XKR7: variants seen among roughly 807,000 people sequenced by gnomAD.
XKR7 encodes the protein XK related 7, also known as XK-related protein 7.
In XKR7, 11 loss-of-function variants were observed where a neutral mutation model predicts 42.2. That is an observed-to-expected ratio of 0.26 (90% CI 0.16 to 0.43). XKR7 has a LOEUF of 0.43. Among genes scored for constraint, XKR7 ranks in the 20% least tolerant of loss-of-function variants. XKR7 has a pLI of 1.00. For missense variants in XKR7, 710 were observed against 802.2 expected (o/e 0.89, Z 1.39); for synonymous variants, 346 against 366.4 (o/e 0.94, Z 0.64).
intron 1 of XKR7, chr20:31,970,457 C>T (rs1430862362): frequency 6.6e-6 from 1 of 152,198 alleles, no homozygotes; most frequent in Non-Finnish European, 1.5e-5. Flanking sequence ...TGCTAAGGAT[C>T]CCCTCAGCTC....
chr20:31,968,340 G>T lies in XKR7; in HGVS notation c.165G>T (p.Arg55=), dbSNP rs1333828816. Residue 55 remains arginine (R), a synonymous_variant, in exon 1 of 3, where the codon CGG becomes CGT. Coordinates refer to ENST00000562532, the MANE Select transcript of XKR7 (RefSeq NM_001011718.2). This position sits in a 1 kb window ranked among gnomAD's most constrained non-coding sequence, Gnocchi z 4.5. The stretch of plus-strand genomic sequence containing the variant: ...GCCCGGGGCCGCGCTACGAGCTGCG[G>T]GACTGCTGCTGGGTGCTGTGCGCGC... ...AGGPGPRYEL[R]DCCWVLCALL... is the part of the protein sequence containing the mutation. The T allele has an allele frequency of 2.5e-6, 4 of 1,581,980 alleles. No individual in the cohort carries two copies. In the Admixed American group the frequency reaches 5.3e-5, roughly 21 times the overall value.
chr20:31,990,557 G>A (rs2064565779), intron 1 of XKR7, among the ~76,000 whole-genome samples: 1 of 152,162 alleles, frequency 6.6e-6, no homozygotes, highest in Admixed American at 6.5e-5. Context: ...AGGGAAATTA[G>A]GTTGCATGTC....
Position 31,996,896 on chromosome 20 carries a change from G to A in XKR7, c.1179G>A (p.Leu393=). The A allele has an allele frequency of 6.2e-7, 1 of 1,613,900 alleles. No homozygotes were observed. Among genetic ancestry groups the A allele is most frequent in the Non-Finnish European group, 8.5e-7 (1 of 1,180,018 alleles). ...RMTLYHCIVL[L]ENAALTGFWY... ...CCCTCTACCACTGCATCGTCCTGCT[G>A]GAGAACGCCGCGCTCACCGGCTTCT... The change falls in exon 3 of 3, where the codon CTG becomes CTA. Residue 393 remains leucine (L), a synonymous_variant. Coordinates refer to ENST00000562532, the MANE Select transcript of XKR7 (RefSeq NM_001011718.2).
intron 1 of XKR7, among the ~76,000 whole-genome samples, chr20:31,989,094 T>G (rs548417226): frequency 6.6e-6 from 1 of 151,966 alleles, no homozygotes; most frequent in Non-Finnish European, 1.5e-5. Context: ...TAGGTTAAGA[T>G]GAAAATAAGA....
chr20:31,981,934 G>A (rs771373554), intron 1 of XKR7, among the ~76,000 whole-genome samples: 2 of 152,022 alleles, frequency 1.3e-5, no homozygotes, highest in Non-Finnish European at 2.9e-5. Flanking sequence ...GCTTCAGATC[G>A]TGGCTCAGTA....
rs57585644 is a variant in XKR7, at chr20:31,985,959, C to CACAGACAG, written c.585-9090_585-9083dup. 3.3e-3 allele frequency among the ~76,000 whole-genome samples: 249 copies of CACAGACAG among 74,448 alleles called. 25 individuals are homozygous for CACAGACAG. The highest frequency in any genetic ancestry group is 0.016 in the African/African-American group (225 of 13,894). The allele number at this position is 74,448 out of a possible 152,430, so 48.8% of individuals were successfully genotyped here. A position where few individuals can be genotyped will look rare whatever the true frequency, so the allele number is the denominator to read the frequency against. On this transcript the variant is annotated intron_variant, in intron 1 of 2. Transcript: ENST00000562532. Reference sequence around the variant, plus strand: ...CCACCAAGCGGACCCAGCATCCAGACACAGACAGACAGACAGACAGACAGA... The same window carrying CACAGACAG: ...CCACCAAGCGGACCCAGCATCCAGACACAGACAGACAGACAGACAGACAGACAGACAGA...
Position 31,995,054 on chromosome 20 carries a change from C to T in XKR7, c.585-14C>T. 6.5e-7 allele frequency: 1 copy of T among 1,541,648 alleles called. No individual in the cohort carries two copies. Among genetic ancestry groups the T allele is most frequent in the Non-Finnish European group, 8.7e-7 (1 of 1,145,594 alleles). On this transcript the variant is annotated splice_polypyrimidine_tract_variant and intron_variant, in intron 1 of 2. Transcript: ENST00000562532. The surrounding 1 kb of genome is among the most constrained non-coding windows in gnomAD (Gnocchi z 4.1). ...CCAGCGCGCGGGAGCCTGAGCACCG[C>T]GTCCTTCCCGCAGGTACCTGCGCGC...
Position 31,997,204 on chromosome 20 carries a change from C to A in XKR7, c.1487C>A (p.Pro496His). ...GASAGERAGT[P>H]TPPVFQVRPG... is the part of the protein sequence containing the mutation. ...TCGGCGGGAGAGCGTGCAGGGACCCCCACCCCACCTGTCTTCCAGGTGCGG... is the reference window on the plus strand; with the variant it reads ...TCGGCGGGAGAGCGTGCAGGGACCCACACCCCACCTGTCTTCCAGGTGCGG... Residue 496 changes from proline to histidine, a missense_variant, in exon 3 of 3, where the codon CCC becomes CAC. This residue lies in a region of XKR7 where 708 missense variants were observed against 786.2 expected (regional missense o/e 0.90). Transcript: ENST00000562532. The A allele has an allele frequency of 1.2e-6, 2 of 1,610,422 alleles. No homozygotes were observed. The highest frequency in any genetic ancestry group is 1.7e-6 in the Non-Finnish European group (2 of 1,179,850).
At chr20:31,994,126 G>A (rs754424617) in intron 1 of XKR7, among the ~76,000 whole-genome samples, 1 of 152,094 alleles carries the variant, frequency 6.6e-6, no homozygotes, top group African/African-American at 2.4e-5. Flanking sequence ...GTGAGAGCTG[G>A]GCACTGAGCT....
At chr20:31,974,039 A>G (rs2064475308) in intron 1 of XKR7, among the ~76,000 whole-genome samples, 1 of 152,114 alleles carries the variant, frequency 6.6e-6, no homozygotes, top group African/African-American at 2.4e-5. Context: ...CTAAAAATAC[A>G]AAAATTAGCT....
At chr20:31,982,699 G>T (rs1466262459) in intron 1 of XKR7, among the ~76,000 whole-genome samples, 1 of 152,138 alleles carries the variant, frequency 6.6e-6, no homozygotes, top group Non-Finnish European at 1.5e-5. Context: ...TTTCTGGGGG[G>T]CAGGCAGAGA....
At chr20:31,993,087 T>TCC (rs1156567593) in intron 1 of XKR7, among the ~76,000 whole-genome samples, 29 of 122,632 alleles carry the variant, frequency 2.4e-4, no homozygotes, top group African/African-American at 1.2e-3. Flanking sequence ...GGGTTCCCCC[T>TCC]CCACACACAC....
At chr20:31,988,723 T>C (rs2064554490) in intron 1 of XKR7, among the ~76,000 whole-genome samples, 1 of 152,104 alleles carries the variant, frequency 6.6e-6, no homozygotes, top group African/African-American at 2.4e-5. Flanking sequence ...AGTTCAAGCC[T>C]GAGAGCTGTT....
intron 1 of XKR7, among the ~76,000 whole-genome samples, chr20:31,975,687 T>C (rs918002704): frequency 1.4e-5 from 2 of 142,500 alleles, no homozygotes; most frequent in Non-Finnish European, 3.1e-5. Context: ...CATAAAGAGA[T>C]TCCCCTCTGC....
rs1324388384 is a variant in XKR7, at chr20:32,002,813, C to T, written c.*5356C>T. 1 of 152,178 alleles carries T rather than the reference C, an allele frequency of 6.6e-6. No individual in the cohort carries two copies. The highest frequency in any genetic ancestry group is 2.4e-5 in the African/African-American group (1 of 41,444). 9.4% of individuals were successfully genotyped at this position (152,178 alleles called of 1,614,324 possible). A position where few individuals can be genotyped will look rare whatever the true frequency, so the allele number is the denominator to read the frequency against. On this transcript the variant is annotated 3_prime_UTR_variant, in exon 3 of 3. Transcript: ENST00000562532. Reference sequence around the variant, plus strand: ...GCTTAATACAAAATTCTCAAAAGCACTTGTGGGCACTCATTCCTGCCTTCA... The same window carrying T: ...GCTTAATACAAAATTCTCAAAAGCATTTGTGGGCACTCATTCCTGCCTTCA...
rs942250888 is a variant in XKR7, at chr20:31,996,761, G to A, written c.1044G>A (p.Thr348=). ...CCTTCTGGGTCATCCAAGGGGAGAC[G>A]GACTTCTGCATGTCCAAGTGGGAGG... is the stretch of plus-strand genomic sequence containing the variant. ...VMTFWVIQGE[T]DFCMSKWEEI... is the part of the protein sequence containing the mutation. The change falls in exon 3 of 3, where the codon ACG becomes ACA. Residue 348 remains threonine (T), a synonymous_variant. Coordinates refer to ENST00000562532, the MANE Select transcript of XKR7 (RefSeq NM_001011718.2). The A allele has an allele frequency of 2.2e-5, 36 of 1,613,914 alleles. No individual in the cohort carries two copies. Among genetic ancestry groups the A allele is most frequent in the Middle Eastern group, 1.6e-4 (1 of 6,084 alleles).
At chr20:31,973,624 G>A (rs2064473574) in intron 1 of XKR7, among the ~76,000 whole-genome samples, 1 of 152,080 alleles carries the variant, frequency 6.6e-6, no homozygotes, top group African/African-American at 2.4e-5. Context: ...ACGAGGTGAG[G>A]ACAAGCTGTG....
In XKR7 at chr20:31,995,795, C is replaced by T. The variant is rs972593125; in HGVS notation, c.787+525C>T. ...CATCCCCTCCTCCTCCCTACAGGCC[C>T]TGTTAATTTCCCACCTTGCCCCTTC... On this transcript the variant is annotated intron_variant, in intron 2 of 2. Coordinates refer to ENST00000562532, the MANE Select transcript of XKR7 (RefSeq NM_001011718.2). The surrounding 1 kb of genome is among the most constrained non-coding windows in gnomAD (Gnocchi z 4.1). Among the ~76,000 whole-genome samples the T allele has an allele frequency of 6.6e-6, 1 of 152,168 alleles. No individual in the cohort carries two copies. The highest frequency in any genetic ancestry group is 3.4e-3 in the Middle Eastern group (1 of 294).
At chr20:31,984,267 A>AC (rs2064527209) in intron 1 of XKR7, among the ~76,000 whole-genome samples, 1 of 151,746 alleles carries the variant, frequency 6.6e-6, no homozygotes. Context: ...ATTTCAAAAA[A>AC]AAAAACAAGT....
Sources: allele counts gnomAD v4.1 joint callset (sites outside exome capture counted in the v4.1 genomes callset), GRCh38; gene constraint gnomAD v4.1.1; regional missense constraint gnomAD v4.1.1; non-coding constraint Gnocchi (gnomAD v3.1); transcripts MANE v1.5; gene names NCBI Gene and HGNC (gene_info 2026-07-23, HGNC 2026-07-21).